Variants in RLN2 observed in about 807,000 individuals in gnomAD.
The protein encoded by RLN2 is prorelaxin H2.
In RLN2, 10 loss-of-function variants were observed where a neutral mutation model predicts 7.3. The ratio of observed to expected loss-of-function variants is 1.36; its 90% CI spans 0.84 to 2.31. The LOEUF is 2.31. Among genes scored for constraint, RLN2 ranks in the 30% most tolerant of loss-of-function variants. The pLI is 0.00. For missense variants in RLN2, 298 were observed against 217.6 expected (o/e 1.37, Z -2.32); for synonymous variants, 103 against 82.3 (o/e 1.25, Z -1.36).
At chr9:5,325,246 A>G in the RLN2 span, among the ~76,000 whole-genome samples, 1,040 of 152,094 alleles carry the variant, frequency 6.8e-3, 13 homozygotes, top group Non-Finnish European at 0.012. Flanking sequence ...TACACAAGAC[A>G]CAGGACTATA....
At chr9:5,318,037 C>T in the RLN2 span, among the ~76,000 whole-genome samples, 1 of 62,504 alleles carries the variant, frequency 1.6e-5, no homozygotes, top group Admixed American at 1.5e-4. Flanking sequence ...TGTCTGTATA[C>T]ACACAGTTAG....
the RLN2 span, among the ~76,000 whole-genome samples, chr9:5,318,008 G>A: frequency 9.3e-4 from 19 of 20,394 alleles, no homozygotes; most frequent in African/African-American, 0.013. Context: ...GTGTGTGTGC[G>A]TGTGTGTGTG....
the RLN2 span, among the ~76,000 whole-genome samples, chr9:5,332,960 C>T: frequency 7.2e-3 from 1,099 of 152,034 alleles, 17 homozygotes; most frequent in African/African-American, 0.025. Flanking sequence ...GTGATTCATA[C>T]ATCACAGTAA....
the RLN2 span, among the ~76,000 whole-genome samples, chr9:5,319,680 T>C: frequency 1.3e-5 from 2 of 151,986 alleles, no homozygotes; most frequent in Non-Finnish European, 2.9e-5. Context: ...TTTACAATAA[T>C]TGGCAAGCAA....
At chr9:5,327,050 G>A in the RLN2 span, among the ~76,000 whole-genome samples, 1 of 152,082 alleles carries the variant, frequency 6.6e-6, no homozygotes, top group Non-Finnish European at 1.5e-5. Flanking sequence ...TGGTTGAACA[G>A]TGGGGGCAGC....
intron 1 of RLN2, among the ~76,000 whole-genome samples, chr9:5,300,806 G>T (rs1043592971): frequency 6.6e-6 from 1 of 152,090 alleles, no homozygotes; most frequent in Non-Finnish European, 1.5e-5. Flanking sequence ...CATTTTCTTG[G>T]ATTCTTCTTA....
the RLN2 span, chr9:5,335,034 T>A: frequency 2.2e-6 from 1 of 446,150 alleles, no homozygotes; most frequent in African/African-American, 2.0e-5. Context: ...ACAATTATAC[T>A]GTTAATAAAA....
At chr9:5,311,752 G>A in the RLN2 span, 5 of 909,124 alleles carry the variant, frequency 5.5e-6, 1 homozygote, top group East Asian at 4.8e-5. Context: ...TACTTCTGGT[G>A]ACTGTAGAGT....
chr9:5,335,053 A>T, the RLN2 span: 1 of 468,140 alleles, frequency 2.1e-6, no homozygotes, highest in Non-Finnish European at 3.7e-6. Context: ...AAAGACAAAA[A>T]GACTTCAGCA....
the RLN2 span, among the ~76,000 whole-genome samples, chr9:5,332,166 G>T: frequency 6.6e-6 from 1 of 151,914 alleles, no homozygotes; most frequent in Non-Finnish European, 1.5e-5. Flanking sequence ...AATTTAATTT[G>T]TTGAAATTTT....
the RLN2 span, among the ~76,000 whole-genome samples, chr9:5,334,524 A>T: frequency 1.2e-4 from 19 of 152,036 alleles, no homozygotes; most frequent in Admixed American, 2.6e-4. Flanking sequence ...GAAATAGTAA[A>T]TTCTAAAGAA....
chr9:5,332,153 C>T, the RLN2 span, among the ~76,000 whole-genome samples: 5 of 151,814 alleles, frequency 3.3e-5, no homozygotes, highest in East Asian at 9.6e-4. Context: ...GAAATTATTT[C>T]CCAATTTAAT....
At chr9:5,317,746 G>A in the RLN2 span, among the ~76,000 whole-genome samples, 1 of 151,838 alleles carries the variant, frequency 6.6e-6, no homozygotes, top group African/African-American at 2.4e-5. Context: ...CACAAATTAG[G>A]CAACTTGCAA....
At chr9:5,309,142 A>C (rs1816303274), upstream of RLN2, among the ~76,000 whole-genome samples, 3 of 152,122 alleles carry the variant, frequency 2.0e-5, no homozygotes, top group South Asian at 4.1e-4. Flanking sequence ...GAGGTGATTA[A>C]AACAACCAAC....
At chr9:5,306,653 A>G (rs1327772746), upstream of RLN2, among the ~76,000 whole-genome samples, 2 of 152,050 alleles carry the variant, frequency 1.3e-5, no homozygotes, top group Non-Finnish European at 2.9e-5. Flanking sequence ...AGGAGAAACA[A>G]TAAATATGTC....
the RLN2 span, chr9:5,311,659 T>C: frequency 9.7e-6 from 13 of 1,340,734 alleles, no homozygotes; most frequent in South Asian, 4.7e-5. Context: ...CTGCAGAAAA[T>C]GGAGACGCCA....
At chr9:5,307,740 T>C (rs1023719839), upstream of RLN2, among the ~76,000 whole-genome samples, 4 of 152,046 alleles carry the variant, frequency 2.6e-5, no homozygotes, top group African/African-American at 9.7e-5. Flanking sequence ...TTCAGCTTTG[T>C]CCCAGATGAC....
the RLN2 span, among the ~76,000 whole-genome samples, chr9:5,324,974 TATAAGG>T: frequency 1.8e-4 from 28 of 152,098 alleles, 2 homozygotes; most frequent in African/African-American, 2.9e-4. Flanking sequence ...CATGCCTAAG[TATAAGG>T]ATAAGTGTAG....
At chr9:5,306,745 C>T (rs1449011340), upstream of RLN2, among the ~76,000 whole-genome samples, 1 of 152,014 alleles carries the variant, frequency 6.6e-6, no homozygotes, top group African/African-American at 2.4e-5. Flanking sequence ...CTTCATTTCC[C>T]TATATCCTAG....
Sources: allele counts gnomAD v4.1 joint callset (sites outside exome capture counted in the v4.1 genomes callset), GRCh38; gene constraint gnomAD v4.1.1; transcripts MANE v1.5; gene names NCBI Gene and HGNC (gene_info 2026-07-23, HGNC 2026-07-21).